Variants in ME2 observed in about 807,000 individuals in gnomAD.
The protein encoded by ME2 is malic enzyme 2.
In ME2, 60 loss-of-function variants were observed where a neutral mutation model predicts 73.7. That is an observed-to-expected ratio of 0.81 (90% CI 0.66 to 1.01). The LOEUF (loss-of-function observed/expected upper bound fraction) is 1.01. ME2 is among the 50% of genes least tolerant of loss of function. The pLI, the probability that ME2 is intolerant of heterozygous loss-of-function variation, is 0.00. For missense variants in ME2, 594 were observed against 705.5 expected (o/e 0.84, Z 1.79); for synonymous variants, 199 against 236.9 (o/e 0.84, Z 1.47).
chr18:50,944,560 T>G (rs1222376587), intron 15 of ME2, among the ~76,000 whole-genome samples: 1 of 152,170 alleles, frequency 6.6e-6, no homozygotes, highest in Admixed American at 6.5e-5. Context: ...CAAGGGGAGC[T>G]TTCTCCAATC....
chr18:50,890,508 T>A (rs1479200270), intron 1 of ME2, among the ~76,000 whole-genome samples: 4 of 152,162 alleles, frequency 2.6e-5, no homozygotes, highest in Non-Finnish European at 5.9e-5. Context: ...TTTCCGTAAA[T>A]TTTTTACAAC....
At position 50,913,927 on chromosome 18, in the gene ME2, C is replaced by T. The variant is rs572521716; in HGVS notation, c.392+977C>T. The stretch of plus-strand genomic sequence containing the variant: ...TCACTTAATCTGAGTTTTCTTATTC[C>T]TCTAATCCATTATTATTTTTCTCAA... On this transcript the variant is annotated intron_variant, in intron 4 of 15. Transcript: ENST00000321341. Among the ~76,000 whole-genome samples the T allele has an allele frequency of 7.4e-4, 112 of 151,200 alleles. 2 individuals are homozygous for T. The South Asian group carries it at 0.023, about 31-fold the overall frequency.
chr18:50,937,863 G>A (rs1461651510), intron 13 of ME2, among the ~76,000 whole-genome samples: 2 of 152,086 alleles, frequency 1.3e-5, no homozygotes, highest in African/African-American at 4.8e-5. Context: ...CAGGGAACAA[G>A]AACAGAAAAA....
chr18:50,899,813 G>A (rs1916843870), intron 2 of ME2, among the ~76,000 whole-genome samples: 1 of 152,104 alleles, frequency 6.6e-6, no homozygotes, highest in Non-Finnish European at 1.5e-5. Flanking sequence ...CCTCCATTGA[G>A]GACAATGACC....
chr18:50,941,870 T>C (rs1917971267), intron 15 of ME2, among the ~76,000 whole-genome samples: 1 of 151,932 alleles, frequency 6.6e-6, no homozygotes, highest in Non-Finnish European at 1.5e-5. Flanking sequence ...TAATCTTGCA[T>C]ATTTAATAGG....
At chr18:50,927,721 C>CATAAATATATATAT (rs1555678359) in intron 12 of ME2, among the ~76,000 whole-genome samples, 1 of 85,434 alleles carries the variant, frequency 1.2e-5, no homozygotes, top group Non-Finnish European at 2.1e-5. Flanking sequence ...CCCAAAAAAC[C>CATAAATATATATAT]ATATATATAT....
At chr18:50,940,677 C>T (rs756508727) in intron 15 of ME2, among the ~76,000 whole-genome samples, 1 of 152,162 alleles carries the variant, frequency 6.6e-6, no homozygotes, top group Non-Finnish European at 1.5e-5. Context: ...GTTGCCCAGG[C>T]TGGTCTCTAA....
rs1021505968 is a variant in ME2, at chr18:50,925,851, A to G, written c.1267A>G (p.Thr423Ala). The G allele has an allele frequency of 3.7e-6, 6 of 1,611,564 alleles. No homozygotes were observed. Among genetic ancestry groups the G allele is most frequent in the Admixed American group, 1.7e-5 (1 of 59,994 alleles). Residue 423 changes from threonine (T) to alanine (A), a missense_variant, in exon 12 of 16, where the codon ACA (threonine) becomes GCA (alanine). By Grantham distance (58) the Thr-to-Ala change is moderately conservative. Transcript: ENST00000321341. ...TGTAATATTTGCATTAAGTAATCCT[A>G]CAGCACAGGCAGAGTGCACGGCTGA... ...RPVIFALSNP[T>A]AQAECTAEEA... is the part of the protein sequence containing the mutation.
At chr18:50,907,099 G>T (rs1917036008) in intron 2 of ME2, among the ~76,000 whole-genome samples, 1 of 152,138 alleles carries the variant, frequency 6.6e-6, no homozygotes, top group African/African-American at 2.4e-5. Context: ...CACTTCTGGG[G>T]AAATGGCTTT....
rs138816711 is a variant in ME2, at chr18:50,936,883, G to C, written c.1418-2687G>C. On this transcript the variant is annotated intron_variant, in intron 13 of 15. Transcript: ENST00000321341. ...GAGTTTGAGGTTACAGCAAGCTTTG[G>C]TCGTGCCACAGCACTGTAGCCTGGG... Among the ~76,000 whole-genome samples the C allele has an allele frequency of 2.6e-4, 40 of 152,154 alleles. No homozygotes were observed. In the East Asian group the frequency reaches 6.0e-3, roughly 23 times the overall value.
intron 1 of ME2, among the ~76,000 whole-genome samples, chr18:50,892,639 T>C (rs773826911): frequency 3.3e-5 from 5 of 152,220 alleles, no homozygotes; most frequent in Non-Finnish European, 5.9e-5. Context: ...ATTGCTGATA[T>C]AATCAGCCAC....
At chr18:50,918,418 TC>T (rs1365746531) in intron 7 of ME2, among the ~76,000 whole-genome samples, 1 of 152,224 alleles carries the variant, frequency 6.6e-6, no homozygotes, top group East Asian at 1.9e-4. Flanking sequence ...TGCCTTGCTT[TC>T]TTGAGTTACC....
Position 50,916,154 on chromosome 18 carries a change from T to G in ME2, c.393-14T>G. On this transcript the variant is annotated splice_polypyrimidine_tract_variant and intron_variant, in intron 4 of 15. Transcript: ENST00000321341. ...GCTGTTGTGAAATGCAAAGGTGTTT[T>G]TGTTCTGTTGCAGGGGATTATTTAT... The G allele has an allele frequency of 6.3e-7, 1 of 1,590,876 alleles. No homozygotes were observed. Among genetic ancestry groups the G allele is most frequent in the South Asian group, 1.2e-5 (1 of 86,682 alleles).
chr18:50,909,046 C>T (rs534627753), intron 3 of ME2, among the ~76,000 whole-genome samples: 8 of 151,898 alleles, frequency 5.3e-5, no homozygotes, highest in South Asian at 2.1e-4. Context: ...CTCTGCCTCC[C>T]GGGCTCAAGC....
intron 13 of ME2, chr18:50,934,825 G>A (rs1046119203): frequency 6.6e-6 from 1 of 152,138 alleles, no homozygotes; most frequent in Non-Finnish European, 1.5e-5. Flanking sequence ...AAGGGTCAAA[G>A]GGATAAGATA....
chr18:50,920,384 G>C, intron 7 of ME2, 72 bp from the exon 8 acceptor site: 1 of 1,034,704 alleles, frequency 9.7e-7, no homozygotes, highest in South Asian at 1.5e-5. Context: ...TGCTATCATA[G>C]GGAATATTAG....
At chr18:50,910,014 T>C (rs997311007) in intron 3 of ME2, among the ~76,000 whole-genome samples, 3 of 152,190 alleles carry the variant, frequency 2.0e-5, no homozygotes, top group Admixed American at 6.5e-5. Context: ...TCTTAACTGA[T>C]GATCTTGCTT....
chr18:50,925,042 A>AT (rs985746887), intron 11 of ME2, among the ~76,000 whole-genome samples: 42 of 152,250 alleles, frequency 2.8e-4, no homozygotes, highest in African/African-American at 8.9e-4. Context: ...GTCTCTATGA[A>AT]TTTAACTACC....
intron 2 of ME2, among the ~76,000 whole-genome samples, chr18:50,896,962 C>T (rs796221532): frequency 2.0e-5 from 3 of 152,286 alleles, no homozygotes; most frequent in African/African-American, 7.2e-5. Flanking sequence ...CCTGACCTCT[C>T]CAAATCTCAT....
Sources: gnomAD v4.1 joint callset for allele counts (sites outside exome capture counted in the v4.1 genomes callset) on GRCh38, gnomAD v4.1.1 for gene constraint, MANE v1.5 for transcripts, NCBI Gene and HGNC (gene_info 2026-07-23, HGNC 2026-07-21) for gene names.